SCAF11: variants seen among roughly 807,000 people sequenced by gnomAD.
SCAF11 encodes the protein SR-related CTD associated factor 11.
In SCAF11, 47 loss-of-function variants were observed where a neutral mutation model predicts 140.5. The observed-to-expected ratio is 0.33, with a 90% CI of 0.26 to 0.43. The LOEUF is 0.43. Ranked by LOEUF, SCAF11 falls within the 20% of genes least tolerant of loss-of-function variation. The pLI is 1.00. For missense variants in SCAF11, 1,645 were observed against 1,705.1 expected, an observed-to-expected ratio of 0.96 and a Z score of 0.62; for synonymous variants, 557 against 579.4, an observed-to-expected ratio of 0.96 and a Z score of 0.55.
At chr12:45,953,235 AAAG>A (rs1365771046) in intron 3 of SCAF11, among the ~76,000 whole-genome samples, 2 of 152,262 alleles carry the variant, frequency 1.3e-5, no homozygotes, top group Non-Finnish European at 2.9e-5. Context: ...CTTCAGCAAC[AAAG>A]AAGTTCATAT....
At chr12:45,943,259 A>G (rs1393885407) in intron 6 of SCAF11, among the ~76,000 whole-genome samples, 1 of 152,172 alleles carries the variant, frequency 6.6e-6, no homozygotes, top group African/African-American at 2.4e-5. Flanking sequence ...CTGCAGTTTC[A>G]GTTACCTGTG....
In SCAF11 at chr12:45,951,668, T is replaced by C; in HGVS notation, c.279A>G (p.Ala93=). ...KPFQAVFKFS[A]LEGYVKVQVK... The stretch of plus-strand genomic sequence containing the variant: ...GACTTACCTTAACATAACCTTCCAA[T>C]GCACTGAATTTAAACACTGCCTGAA... The change falls in exon 4 of 15, where the codon GCA becomes GCG. Residue 93 remains alanine (A), a synonymous_variant. Transcript: ENST00000369367. The C allele has an allele frequency of 1.9e-6, 3 of 1,589,068 alleles. No individual in the cohort carries two copies. Among genetic ancestry groups the C allele is most frequent in the Non-Finnish European group, 2.6e-6 (3 of 1,164,514 alleles).
At chr12:45,941,244 T>C (rs1383328463) in intron 6 of SCAF11, among the ~76,000 whole-genome samples, 2 of 152,198 alleles carry the variant, frequency 1.3e-5, no homozygotes, top group South Asian at 2.1e-4. Flanking sequence ...CGTAGACACC[T>C]TACTTATCGA....
Position 45,928,308 on chromosome 12 carries a change from C to G in SCAF11, c.1393G>C (p.Asp465His). The part of the protein sequence containing the change: ...EESEKHTANY[D>H]TEERVGSSSS... The stretch of plus-strand genomic sequence containing the variant: ...GAAGATCCTACTCTTTCCTCTGTAT[C>G]ATAATTTGCAGTATGCTTCTCACTT... The change falls in exon 11 of 15, where the codon GAT becomes CAT. Residue 465 changes from aspartate (D) to histidine (H), a missense_variant. Coordinates refer to ENST00000369367, the MANE Select transcript of SCAF11 (RefSeq NM_004719.3). 6.2e-7 allele frequency: 1 copy of G among 1,613,966 alleles called. No individual in the cohort carries two copies. The highest frequency in any genetic ancestry group is 8.5e-7 in the Non-Finnish European group (1 of 1,179,960).
chr12:45,991,026 G>C (rs2136685916), upstream of SCAF11, among the ~76,000 whole-genome samples: 1 of 152,358 alleles, frequency 6.6e-6, no homozygotes, highest in East Asian at 1.9e-4. Context: ...TTTTGCGCAG[G>C]GTGTGCTCCT....
intron 1 of SCAF11, among the ~76,000 whole-genome samples, chr12:45,984,008 T>C (rs1477130456): frequency 6.6e-6 from 1 of 152,182 alleles, no homozygotes; most frequent in Non-Finnish European, 1.5e-5. Flanking sequence ...AATAATCTTT[T>C]ACAAAAAGGA....
intron 6 of SCAF11, among the ~76,000 whole-genome samples, chr12:45,937,353 T>C (rs1380448547): frequency 6.6e-6 from 1 of 152,222 alleles, no homozygotes; most frequent in African/African-American, 2.4e-5. Flanking sequence ...ATTGATAAAA[T>C]ATCCCTTCTT....
intron 9 of SCAF11, among the ~76,000 whole-genome samples, chr12:45,932,125 T>A (rs1315639939): frequency 1.4e-4 from 21 of 151,960 alleles, no homozygotes; most frequent in Non-Finnish European, 3.1e-4. Flanking sequence ...GTCCTCACAC[T>A]CCTTTGTATC....
intron 1 of SCAF11, among the ~76,000 whole-genome samples, chr12:45,981,851 G>A (rs1429326929): frequency 2.6e-5 from 4 of 152,122 alleles, no homozygotes; most frequent in African/African-American, 9.7e-5. Flanking sequence ...TATATTAAAT[G>A]TAAATAATGT....
At chr12:45,959,373 G>C (rs139518332) in intron 3 of SCAF11, among the ~76,000 whole-genome samples, 3 of 151,956 alleles carry the variant, frequency 2.0e-5, no homozygotes, top group Non-Finnish European at 2.9e-5. Context: ...CTTAAAAATC[G>C]TAAGTTTAGA....
chr12:45,939,322 A>G (rs1945241774), intron 6 of SCAF11, among the ~76,000 whole-genome samples: 1 of 152,188 alleles, frequency 6.6e-6, no homozygotes, highest in African/African-American at 2.4e-5. Context: ...TGATTACTGT[A>G]TAACAAATGA....
chr12:45,972,977 TAGATATATAG>T lies in SCAF11; in HGVS notation c.-21-8799_-21-8790del, dbSNP rs1444904575. 2.1e-3 allele frequency among the ~76,000 whole-genome samples: 287 copies of T among 138,730 alleles called. 12 individuals are homozygous for T. The South Asian group carries it at 0.058, about 28-fold the overall frequency. The allele number at this position is 138,730 out of a possible 152,430, so 91.0% of individuals were successfully genotyped here. ...ATATATAGATATATATATAGATATA[TAGATATATAG>T]ATATAGATATATAGATATATATATA... On this transcript the variant is annotated intron_variant, in intron 1 of 14. Transcript: ENST00000369367.
chr12:45,988,397 T>C (rs1946511145), intron 1 of SCAF11, among the ~76,000 whole-genome samples: 2 of 152,220 alleles, frequency 1.3e-5, no homozygotes, highest in Non-Finnish European at 2.9e-5. Context: ...TAAAAGATGT[T>C]ACTGATGATG....
In SCAF11 at chr12:45,937,730, A is replaced by G. The variant is rs114263651; in HGVS notation, c.464-3225T>C. Among the ~76,000 whole-genome samples the G allele has an allele frequency of 7.2e-3, 1,092 of 152,294 alleles. 10 individuals are homozygous for G. The highest frequency in any genetic ancestry group is 0.025 in the African/African-American group (1,034 of 41,542). On this transcript the variant is annotated intron_variant, in intron 6 of 14. Transcript: ENST00000369367. ...AATAATCAAGACTGCCAGTGCTTTG[A>G]AAAATGCTCTTAGGTAGAGGACTAG...
In SCAF11 at chr12:45,946,515, G is replaced by C. The variant is rs553257250; in HGVS notation, c.399-1202C>G. ...TTCCTTATGACAAATCTCAGAAAAA[G>C]CAGTTAAATATGGGGACGACTTTTG... On this transcript the variant is annotated intron_variant, in intron 5 of 14. Transcript: ENST00000369367. 2.6e-5 allele frequency among the ~76,000 whole-genome samples: 4 copies of C among 152,266 alleles called. No homozygotes were observed. The South Asian group carries it at 8.3e-4, about 31-fold the overall frequency.
At chr12:45,979,302 T>C (rs1010559270) in intron 1 of SCAF11, among the ~76,000 whole-genome samples, 5 of 151,556 alleles carry the variant, frequency 3.3e-5, no homozygotes, top group South Asian at 4.2e-4. Flanking sequence ...GGCATAAACA[T>C]TGAAACCACA....
At chr12:45,988,649 A>G (rs1946517939) in intron 1 of SCAF11, among the ~76,000 whole-genome samples, 1 of 152,206 alleles carries the variant, frequency 6.6e-6, no homozygotes. Flanking sequence ...CATATTTAGA[A>G]ACTTTAAATT....
chr12:45,963,221 G>C (rs937214137), intron 2 of SCAF11, among the ~76,000 whole-genome samples: 1 of 152,190 alleles, frequency 6.6e-6, no homozygotes, highest in African/African-American at 2.4e-5. Context: ...GTCGGGAAAT[G>C]ATTAAACACA....
In SCAF11 at chr12:45,937,213, C is replaced by G. The variant is rs76135349; in HGVS notation, c.464-2708G>C. Among the ~76,000 whole-genome samples the G allele has an allele frequency of 6.2e-4, 94 of 152,032 alleles. No homozygotes were observed. In the East Asian group the frequency reaches 0.017, roughly 27 times the overall value. On this transcript the variant is annotated intron_variant, in intron 6 of 14. Transcript: ENST00000369367. ...ATATTGAATCTCTTAAATGAATATC[C>G]TATCATCTCTTTTTTAGTCCTACTT...
Sources: allele counts gnomAD v4.1 joint callset (sites outside exome capture counted in the v4.1 genomes callset), GRCh38; gene constraint gnomAD v4.1.1; transcripts MANE v1.5; gene names NCBI Gene and HGNC (gene_info 2026-07-23, HGNC 2026-07-21).